Variants in WWOX observed in about 807,000 individuals in gnomAD.
WWOX encodes WW domain containing oxidoreductase, also known as WW domain-containing oxidoreductase.
In WWOX, 69 loss-of-function variants were observed where a neutral mutation model predicts 46.2. The ratio of observed to expected loss-of-function variants is 1.49; its 90% CI spans 1.23 to 1.82. WWOX has a LOEUF of 1.82. Among genes scored for constraint, WWOX ranks in the 40% most tolerant of loss-of-function variants. The probability of loss-of-function intolerance (pLI) is 0.00; values close to 1 mark genes in which losing one functional copy is unlikely to be tolerated. For missense variants in WWOX, 919 were observed against 542.6 expected, an observed-to-expected ratio of 1.69 and a Z score of -6.89; for synonymous variants, 359 against 202.6, an observed-to-expected ratio of 1.77 and a Z score of -6.56.
chr16:78,765,311 G>A (rs991650626), intron 8 of WWOX, among the ~76,000 whole-genome samples: 2 of 152,346 alleles, frequency 1.3e-5, no homozygotes, highest in African/African-American at 4.8e-5. Flanking sequence ...AGACCTTCTG[G>A]TAGAGGCGTT....
intron 8 of WWOX, among the ~76,000 whole-genome samples, chr16:79,011,345 T>G (rs2047303262): frequency 6.6e-6 from 1 of 151,980 alleles, no homozygotes; most frequent in South Asian, 2.1e-4. Flanking sequence ...CATTCAAATT[T>G]TCATGTCTCC....
In WWOX at chr16:78,207,845, C is replaced by G. The variant is rs147005486; in HGVS notation, c.516+43556C>G. 2.5e-3 allele frequency among the ~76,000 whole-genome samples: 381 copies of G among 151,182 alleles called. 2 individuals carry two copies. The highest frequency in any genetic ancestry group is 8.8e-3 in the African/African-American group (364 of 41,174). Reference sequence around the variant, plus strand: ...TATTTTCCTGTTTCTGAGTTAGAGTCTCTTTTGCTCAGGCTGGAGTACAGT... The same window carrying G: ...TATTTTCCTGTTTCTGAGTTAGAGTGTCTTTTGCTCAGGCTGGAGTACAGT... On this transcript the variant is annotated intron_variant, in intron 5 of 8. Transcript: ENST00000566780.
chr16:78,713,622 T>TATGC (rs1236064290), intron 8 of WWOX, among the ~76,000 whole-genome samples: 1 of 152,084 alleles, frequency 6.6e-6, no homozygotes, highest in Non-Finnish European at 1.5e-5. Flanking sequence ...CAGGAATTCA[T>TATGC]ATGCATGGAG....
At position 78,895,359 on chromosome 16, in the gene WWOX, C is replaced by G. The variant is rs574611092; in HGVS notation, c.1057-316249C>G. 269 of 152,274 alleles carry G rather than the reference C, an allele frequency of 1.8e-3. 1 individual carries two copies. The highest frequency in any genetic ancestry group is 6.2e-3 in the African/African-American group (258 of 41,562). The allele number at this position is 152,274 out of a possible 1,614,324, so 9.4% of individuals were successfully genotyped here. A position where few individuals can be genotyped will look rare whatever the true frequency, so the allele number is the denominator to read the frequency against. On this transcript the variant is annotated intron_variant, in intron 8 of 8. Transcript: ENST00000566780. ...ATCTTCCTTTCTCATTCCCAGTACCCTAGAAACACAGCCGTTCACTGAAGA... is the reference window on the plus strand; with the variant it reads ...ATCTTCCTTTCTCATTCCCAGTACCGTAGAAACACAGCCGTTCACTGAAGA...
intron 8 of WWOX, among the ~76,000 whole-genome samples, chr16:79,069,329 C>T (rs923081273): frequency 2.6e-5 from 4 of 152,214 alleles, no homozygotes; most frequent in Admixed American, 2.0e-4. Context: ...ACCAAGCCAA[C>T]ATGAGCTTCC....
At chr16:79,034,989 C>G (rs370511395) in intron 8 of WWOX, among the ~76,000 whole-genome samples, 10 of 152,180 alleles carry the variant, frequency 6.6e-5, no homozygotes, top group African/African-American at 2.4e-4. Context: ...AATCATTGTC[C>G]TCTAATTCAT....
intron 8 of WWOX, among the ~76,000 whole-genome samples, chr16:78,701,542 T>G (rs2048217793): frequency 6.6e-6 from 1 of 152,090 alleles, no homozygotes; most frequent in Admixed American, 6.6e-5. Context: ...TCCCTCTCCC[T>G]ACTTTTCTCT....
chr16:78,596,915 C>T (rs548585642), intron 8 of WWOX, among the ~76,000 whole-genome samples: 1 of 152,156 alleles, frequency 6.6e-6, no homozygotes, highest in Non-Finnish European at 1.5e-5. Flanking sequence ...GCCCCACACT[C>T]TCTTGATGCT....
At chr16:78,140,316 A>G (rs551675143) in intron 4 of WWOX, among the ~76,000 whole-genome samples, 3 of 152,314 alleles carry the variant, frequency 2.0e-5, no homozygotes, top group East Asian at 1.9e-4. Flanking sequence ...TGATGGGACT[A>G]TAAATGAGTC....
intron 8 of WWOX, among the ~76,000 whole-genome samples, chr16:78,742,834 C>T (rs906158736): frequency 6.6e-6 from 1 of 152,158 alleles, no homozygotes; most frequent in Non-Finnish European, 1.5e-5. Context: ...GTCCAGTGAA[C>T]AGCCATTGCG....
chr16:78,159,828 T>C (rs1415093328), intron 4 of WWOX, among the ~76,000 whole-genome samples: 1 of 152,060 alleles, frequency 6.6e-6, no homozygotes, highest in Non-Finnish European at 1.5e-5. Flanking sequence ...GTGCAGAAGC[T>C]TTTTAGTTTT....
At chr16:78,420,930 A>T (rs573014495) in intron 6 of WWOX, among the ~76,000 whole-genome samples, 3 of 152,274 alleles carry the variant, frequency 2.0e-5, no homozygotes, top group Admixed American at 2.0e-4. Flanking sequence ...AATCACACAT[A>T]TTAATTTTAA....
At chr16:78,916,127 A>G (rs574139463) in intron 8 of WWOX, among the ~76,000 whole-genome samples, 99 of 152,298 alleles carry the variant, frequency 6.5e-4, no homozygotes, top group Non-Finnish European at 1.1e-3. Context: ...CCGCACAGAT[A>G]ACCGTCCCAT....
rs767732033 is a variant in WWOX, at chr16:78,386,945, ATGTG to A, written c.605_605+3del. ...TTTGCTGAAGCATTCAAGGCCAAGA[ATGTG>A]TGAGTGTTCCAGTGGAGGGTTATAG... On this transcript the variant is annotated splice_donor_variant and coding_sequence_variant, in exon 6 of 9. Transcript: ENST00000566780. LOFTEE classifies it high-confidence loss of function. 2 of 1,613,868 alleles carry A rather than the reference ATGTG, an allele frequency of 1.2e-6. No individual in the cohort carries two copies. Among genetic ancestry groups the A allele is most frequent in the Admixed American group, 3.3e-5 (2 of 60,018 alleles).
intron 8 of WWOX, among the ~76,000 whole-genome samples, chr16:78,949,795 C>T (rs950237412): frequency 1.8e-4 from 27 of 152,208 alleles, no homozygotes; most frequent in African/African-American, 6.5e-4. Context: ...ATGCGTGCAT[C>T]CTACATTGTC....
rs77646108 is a variant in WWOX at position 78,515,717 on chromosome 16, G to C, written c.1056+82965G>C. On this transcript the variant is annotated intron_variant, in intron 8 of 8. Coordinates refer to ENST00000566780, the MANE Select transcript of WWOX (RefSeq NM_016373.4). ...CTTTTCACCTGCCAGACTGCGCGTTGCCCGTTGCCCTAGGTCTGCGTGTTC... is the reference window on the plus strand; with the variant it reads ...CTTTTCACCTGCCAGACTGCGCGTTCCCCGTTGCCCTAGGTCTGCGTGTTC... Among the ~76,000 whole-genome samples, 21 of 152,286 alleles carry C rather than the reference G, an allele frequency of 1.4e-4. No homozygotes were observed. In the East Asian group the frequency reaches 3.7e-3, roughly 27 times the overall value.
At chr16:78,858,144 TTGTGTG>T (rs59637371) in intron 8 of WWOX, among the ~76,000 whole-genome samples, 30 of 148,652 alleles carry the variant, frequency 2.0e-4, no homozygotes, top group South Asian at 1.3e-3. Context: ...CATTGTGTGT[TTGTGTG>T]TGTGTGTGTG....
chr16:78,298,372 T>C (rs551766756), intron 5 of WWOX, among the ~76,000 whole-genome samples: 20 of 152,282 alleles, frequency 1.3e-4, no homozygotes, highest in African/African-American at 4.8e-4. Context: ...GCTAAGACTT[T>C]GGGGTTTCCA....
Position 78,850,389 on chromosome 16 carries a change from C to G in WWOX, c.1057-361219C>G, listed in dbSNP as rs538318574. Among the ~76,000 whole-genome samples the G allele has an allele frequency of 2.5e-4, 38 of 152,222 alleles. No homozygotes were observed. In the South Asian group the frequency reaches 7.7e-3, roughly 31 times the overall value. ...AACATTATAGCACAAGTGTCTTCCCCTGTTGTAACATAGTGATTATTAATG... is the reference window on the plus strand; with the variant it reads ...AACATTATAGCACAAGTGTCTTCCCGTGTTGTAACATAGTGATTATTAATG... On this transcript the variant is annotated intron_variant, in intron 8 of 8. Coordinates refer to ENST00000566780, the MANE Select transcript of WWOX (RefSeq NM_016373.4).
Sources: gnomAD v4.1 joint callset for allele counts (sites outside exome capture counted in the v4.1 genomes callset) on GRCh38, gnomAD v4.1.1 for gene constraint, MANE v1.5 for transcripts, NCBI Gene and HGNC (gene_info 2026-07-23, HGNC 2026-07-21) for gene names.